HMGN3: variants seen among roughly 807,000 people sequenced by gnomAD.
HMGN3 encodes the protein high mobility group nucleosome-binding domain-containing protein 3.
Under a neutral mutation model 18.8 loss-of-function variants are expected in HMGN3, and 6 were observed. That is an observed-to-expected ratio of 0.32 (90% CI 0.18 to 0.63). The LOEUF is 0.63. Ranked by LOEUF, HMGN3 falls within the 30% of genes least tolerant of loss-of-function variation. HMGN3 has a pLI of 0.79. For synonymous variants in HMGN3, 40 were observed against 36.5 expected (o/e 1.10, Z -0.35); for missense variants, 107 against 114.2 (o/e 0.94, Z 0.29).
At chr6:79,206,637 A>C (rs1262915803) in intron 3 of HMGN3, among the ~76,000 whole-genome samples, 1 of 152,262 alleles carries the variant, frequency 6.6e-6, no homozygotes, top group Non-Finnish European at 1.5e-5. Context: ...AGGGCAGTGC[A>C]GAAGGGCAAT....
chr6:79,226,917 T>G (rs13203510), intron 1 of HMGN3, among the ~76,000 whole-genome samples: 10,135 of 152,260 alleles, frequency 0.067, 365 homozygotes, highest in South Asian at 0.1. Flanking sequence ...CCTACGTGAT[T>G]TGACTGAATT....
At chr6:79,227,684 A>G (rs1405129763) in intron 1 of HMGN3, among the ~76,000 whole-genome samples, 4 of 152,210 alleles carry the variant, frequency 2.6e-5, no homozygotes, top group Non-Finnish European at 5.9e-5. Flanking sequence ...CTTAGCAGCT[A>G]AGGGAGAGGT....
intron 1 of HMGN3, among the ~76,000 whole-genome samples, chr6:79,225,138 T>C (rs1251599618): frequency 6.6e-6 from 1 of 152,204 alleles, no homozygotes; most frequent in Non-Finnish European, 1.5e-5. Context: ...CATGCCTTAC[T>C]TTTCATACCA....
At position 79,208,531 on chromosome 6, in the gene HMGN3, G is replaced by A; in HGVS notation, c.96+16C>T. On this transcript the variant is annotated intron_variant, in intron 3 of 5. Coordinates refer to ENST00000344726, the Ensembl canonical transcript of HMGN3. ...ACTCATAAGAACTAACACTGAAGTG[G>A]TTCTAAGGTACTTACCGCTGACAAT... The A allele has an allele frequency of 1.2e-6, 2 of 1,601,788 alleles. No individual in the cohort carries two copies. Among genetic ancestry groups the A allele is most frequent in the South Asian group, 2.2e-5 (2 of 90,866 alleles).
chr6:79,208,561 C>T (rs201661342), exon 3 of HMGN3: 1 of 1,610,730 alleles, frequency 6.2e-7, no homozygotes, highest in African/African-American at 1.3e-5. Flanking sequence ...GACAATCTGG[C>T]AGACCGTCTT....
At chr6:79,228,814 G>C (rs1175307952) in intron 1 of HMGN3, among the ~76,000 whole-genome samples, 1 of 152,142 alleles carries the variant, frequency 6.6e-6, no homozygotes, top group African/African-American at 2.4e-5. Context: ...TGATCCTCCT[G>C]CCTCAGCCTC....
chr6:79,232,519 A>G (rs912329883), intron 1 of HMGN3, among the ~76,000 whole-genome samples: 5 of 152,184 alleles, frequency 3.3e-5, no homozygotes, highest in Non-Finnish European at 7.3e-5. Context: ...CCCTAGTCTC[A>G]GGACCATTGG....
At chr6:79,227,211 C>T (rs1455005959) in intron 1 of HMGN3, among the ~76,000 whole-genome samples, 1 of 152,110 alleles carries the variant, frequency 6.6e-6, no homozygotes, top group African/African-American at 2.4e-5. Flanking sequence ...TCACTTGGTA[C>T]CTGATCTTCC....
At chr6:79,234,196 C>G in intron 1 of HMGN3, 1 of 237,640 alleles carries the variant, frequency 4.2e-6, no homozygotes, top group Non-Finnish European at 8.1e-6. Flanking sequence ...TCCCTTCACA[C>G]TAATTCGCAA....
intron 1 of HMGN3, among the ~76,000 whole-genome samples, chr6:79,224,033 T>C (rs1261343253): frequency 6.6e-6 from 1 of 152,172 alleles, no homozygotes; most frequent in Non-Finnish European, 1.5e-5. Context: ...AATGAAGATG[T>C]GTACTGCAAT....
rs143809649 is a variant in HMGN3, at chr6:79,231,945, G to A, written c.15+2601C>T. Among the ~76,000 whole-genome samples the A allele has an allele frequency of 4.4e-3, 668 of 152,254 alleles. 8 individuals carry two copies. Among genetic ancestry groups the A allele is most frequent in the African/African-American group, 0.015 (635 of 41,538 alleles). On this transcript the variant is annotated intron_variant, in intron 1 of 5. Transcript: ENST00000344726. Reference sequence around the variant, plus strand: ...TATGTCCCTACAGCATTACAACAGGGCTAGGATTCCAGATGTTTTCATTGA... The same window carrying A: ...TATGTCCCTACAGCATTACAACAGGACTAGGATTCCAGATGTTTTCATTGA...
intron 4 of HMGN3, among the ~76,000 whole-genome samples, chr6:79,202,986 C>G (rs1776222146): frequency 6.6e-6 from 1 of 152,182 alleles, no homozygotes; most frequent in Non-Finnish European, 1.5e-5. Context: ...TACCAAAGGG[C>G]AGAGTGCAGA....
chr6:79,231,000 T>C (rs1288590898), intron 1 of HMGN3, among the ~76,000 whole-genome samples: 2 of 152,200 alleles, frequency 1.3e-5, no homozygotes, highest in African/African-American at 2.4e-5. Context: ...AACCTAATTT[T>C]GAGTTTCAAA....
intron 1 of HMGN3, 32 bp from the exon 2 acceptor site, chr6:79,215,054 T>C (rs987054402): frequency 3.2e-6 from 4 of 1,260,118 alleles, no homozygotes; most frequent in Admixed American, 2.2e-5. Flanking sequence ...GAATTGTATT[T>C]AAATTGGAAA....
chr6:79,202,104 G>C (rs1436627335), intron 5 of HMGN3: 1 of 1,540,950 alleles, frequency 6.5e-7, no homozygotes, highest in Non-Finnish European at 8.7e-7. Context: ...AGTGTGCTGG[G>C]TGGGGTGCCT....
intron 2 of HMGN3, among the ~76,000 whole-genome samples, chr6:79,213,504 T>C (rs1403909376): frequency 6.6e-6 from 1 of 152,186 alleles, no homozygotes; most frequent in African/African-American, 2.4e-5. Flanking sequence ...TTAAGGTTAG[T>C]TATACTTAGC....
chr6:79,217,236 G>A (rs1484550542), intron 1 of HMGN3, among the ~76,000 whole-genome samples: 1 of 152,218 alleles, frequency 6.6e-6, no homozygotes, highest in Non-Finnish European at 1.5e-5. Flanking sequence ...CTATTAGCAA[G>A]CATTTAATAC....
At chr6:79,234,190 T>C (rs1778022065) in intron 1 of HMGN3, 4 of 229,710 alleles carry the variant, frequency 1.7e-5, no homozygotes, top group Non-Finnish European at 3.4e-5. Flanking sequence ...CTGTTTTCCC[T>C]TCACACTAAT....
At chr6:79,227,623 T>C (rs1349683909) in intron 1 of HMGN3, among the ~76,000 whole-genome samples, 1 of 152,222 alleles carries the variant, frequency 6.6e-6, no homozygotes, top group Non-Finnish European at 1.5e-5. Context: ...ACAGAGCATA[T>C]CATTATTCCC....
Sources: allele counts gnomAD v4.1 joint callset (sites outside exome capture counted in the v4.1 genomes callset), GRCh38; gene constraint gnomAD v4.1.1; transcripts MANE v1.5; gene names NCBI Gene and HGNC (gene_info 2026-07-23, HGNC 2026-07-21).